NRXN1: variants seen among roughly 807,000 people sequenced by gnomAD.
The protein encoded by NRXN1 is neurexin-1.
Under a neutral mutation model 150.9 loss-of-function variants are expected in NRXN1, and 39 were observed. That is an observed-to-expected ratio of 0.26 (90% CI 0.20 to 0.34). The LOEUF is 0.34. Among genes scored for constraint, NRXN1 ranks in the 10% least tolerant of loss-of-function variants. The pLI, the probability that NRXN1 is intolerant of heterozygous loss-of-function variation, is 1.00. For missense variants in NRXN1, 1,815 were observed against 1,949.9 expected, an observed-to-expected ratio of 0.93 and a Z score of 1.30; for synonymous variants, 924 against 757.0, an observed-to-expected ratio of 1.22 and a Z score of -3.62.
intron 5 of NRXN1, among the ~76,000 whole-genome samples, chr2:50,845,051 C>G (rs1056938199): frequency 6.6e-6 from 1 of 151,174 alleles, no homozygotes; most frequent in South Asian, 2.1e-4. Flanking sequence ...TAGATAGGCT[C>G]CCCCATATTG....
intron 8 of NRXN1, among the ~76,000 whole-genome samples, chr2:50,588,080 A>G (rs1161580534): frequency 6.6e-6 from 1 of 152,218 alleles, no homozygotes; most frequent in African/African-American, 2.4e-5. Flanking sequence ...GAGTTAGAGC[A>G]AGTTGATTGT....
At chr2:50,500,826 C>T (rs550489055) in intron 13 of NRXN1, among the ~76,000 whole-genome samples, 1 of 152,302 alleles carries the variant, frequency 6.6e-6, no homozygotes, top group East Asian at 1.9e-4. Flanking sequence ...TTACATTTCT[C>T]ATGTCGAGCA....
chr2:50,217,512 CT>C (rs1226088179), intron 18 of NRXN1, among the ~76,000 whole-genome samples: 1 of 151,948 alleles, frequency 6.6e-6, no homozygotes, highest in Non-Finnish European at 1.5e-5. Flanking sequence ...CTTTAAAACT[CT>C]CTAGGTATGT....
intron 14 of NRXN1, among the ~76,000 whole-genome samples, chr2:50,497,047 A>G (rs563818409): frequency 1.3e-5 from 2 of 152,340 alleles, no homozygotes; most frequent in East Asian, 3.9e-4. Flanking sequence ...CATAGTCAGG[A>G]AATGCCCATT....
chr2:50,841,923 G>A (rs1672936219), intron 5 of NRXN1, among the ~76,000 whole-genome samples: 1 of 152,078 alleles, frequency 6.6e-6, no homozygotes, highest in African/African-American at 2.4e-5. Flanking sequence ...TTTTTGGAAG[G>A]AACAAAGTCT....
chr2:50,255,622 A>C (rs2152904516), intron 17 of NRXN1, among the ~76,000 whole-genome samples: 2 of 152,266 alleles, frequency 1.3e-5, no homozygotes, highest in Admixed American at 1.3e-4. Context: ...GGTGGAGAAA[A>C]ACCTATAAAA....
At chr2:50,728,613 T>C (rs1697697543) in intron 5 of NRXN1, among the ~76,000 whole-genome samples, 1 of 152,204 alleles carries the variant, frequency 6.6e-6, no homozygotes, top group East Asian at 1.9e-4. Flanking sequence ...TTTGGATATA[T>C]GTTAGTTCTT....
rs1402566021 is a variant in NRXN1 at position 51,015,102 on chromosome 2, A to AT, written c.772+12399dup. On this transcript the variant is annotated intron_variant, in intron 2 of 22. Coordinates refer to ENST00000401669, the MANE Select transcript of NRXN1 (RefSeq NM_001330078.2). Reference sequence around the variant, plus strand: ...CTGTCTTCTACTAACCAGATGTGTGATTTTTTAAATTTTAAACCAACAGTT... The same window carrying AT: ...CTGTCTTCTACTAACCAGATGTGTGATTTTTTTAAATTTTAAACCAACAGTT... Among the ~76,000 whole-genome samples the AT allele has an allele frequency of 2.6e-5, 4 of 151,956 alleles. No individual in the cohort carries two copies. In the East Asian group the frequency reaches 7.8e-4, roughly 29 times the overall value.
intron 17 of NRXN1, among the ~76,000 whole-genome samples, chr2:50,396,584 G>C (rs2082065129): frequency 6.6e-6 from 1 of 152,046 alleles, no homozygotes; most frequent in Non-Finnish European, 1.5e-5. Flanking sequence ...CAAAAAACGA[G>C]AACTTCTTTT....
At chr2:50,169,404 G>A (rs1242211889) in intron 18 of NRXN1, among the ~76,000 whole-genome samples, 2 of 152,186 alleles carry the variant, frequency 1.3e-5, no homozygotes, top group Non-Finnish European at 2.9e-5. Flanking sequence ...AAGTGAAAAT[G>A]TTAAATAAAA....
intron 5 of NRXN1, among the ~76,000 whole-genome samples, chr2:50,723,413 G>A (rs1266261188): frequency 6.6e-6 from 1 of 152,148 alleles, no homozygotes; most frequent in Non-Finnish European, 1.5e-5. Context: ...CCAGTGTTCT[G>A]ATGACTAGCT....
Position 50,622,149 on chromosome 2 carries a change from C to A in NRXN1, c.1135-900G>T, listed in dbSNP as rs1680137855. 2.6e-5 allele frequency among the ~76,000 whole-genome samples: 4 copies of A among 152,146 alleles called. No individual in the cohort carries two copies. The South Asian group carries it at 6.2e-4, about 24-fold the overall frequency. On this transcript the variant is annotated intron_variant, in intron 6 of 22. Coordinates refer to ENST00000401669, the MANE Select transcript of NRXN1 (RefSeq NM_001330078.2). The stretch of plus-strand genomic sequence containing the variant: ...AATCCTCTCCAAAGGCAGGTGGAAG[C>A]ATGCAGGGCCCCTCCCATGTCAATG...
At chr2:50,720,410 T>C (rs1696489215) in intron 5 of NRXN1, among the ~76,000 whole-genome samples, 2 of 152,188 alleles carry the variant, frequency 1.3e-5, no homozygotes, top group African/African-American at 2.4e-5. Flanking sequence ...TCTTTCCCTA[T>C]TTGCTTCCAT....
chr2:50,264,397 C>T (rs2068627757), intron 17 of NRXN1, among the ~76,000 whole-genome samples: 1 of 152,018 alleles, frequency 6.6e-6, no homozygotes, highest in Non-Finnish European at 1.5e-5. Context: ...AAACAGAAAG[C>T]ATTTTCAAAG....
At chr2:50,197,572 GTTTTATT>G (rs1486127933) in intron 18 of NRXN1, among the ~76,000 whole-genome samples, 1 of 151,964 alleles carries the variant, frequency 6.6e-6, no homozygotes, top group Non-Finnish European at 1.5e-5. Flanking sequence ...GCTTTAAAAA[GTTTTATT>G]TTTTATTAAT....
chr2:50,449,830 A>T (rs896267752), intron 17 of NRXN1, among the ~76,000 whole-genome samples: 1 of 152,134 alleles, frequency 6.6e-6, no homozygotes, highest in African/African-American at 2.4e-5. Context: ...AATTCCTACT[A>T]GTTTTGGGGT....
intron 5 of NRXN1, among the ~76,000 whole-genome samples, chr2:50,703,605 G>C (rs184556260): frequency 6.6e-6 from 1 of 152,260 alleles, no homozygotes; most frequent in Non-Finnish European, 1.5e-5. Context: ...GAAACCCATG[G>C]AGTGCCATAA....
At chr2:50,749,214 AACT>A (rs529325350) in intron 5 of NRXN1, among the ~76,000 whole-genome samples, 3 of 152,252 alleles carry the variant, frequency 2.0e-5, no homozygotes, top group South Asian at 4.1e-4. Context: ...TATCTGAAAC[AACT>A]ACTGCTATAA....
intron 8 of NRXN1, among the ~76,000 whole-genome samples, chr2:50,610,621 G>A (rs1242864993): frequency 1.3e-5 from 1 of 79,886 alleles, no homozygotes; most frequent in Non-Finnish European, 2.5e-5. Context: ...CACAGAGCCT[G>A]GCACATACTA....
Sources: allele counts gnomAD v4.1 joint callset (sites outside exome capture counted in the v4.1 genomes callset), GRCh38; gene constraint gnomAD v4.1.1; transcripts MANE v1.5; gene names NCBI Gene and HGNC (gene_info 2026-07-23, HGNC 2026-07-21).